Variants in ADAM20 observed in about 807,000 individuals in gnomAD.
ADAM20 encodes the protein ADAM metallopeptidase domain 20, also known as disintegrin and metalloproteinase domain-containing protein 20.
For missense variants in ADAM20, 871 were observed against 883.2 expected (o/e 0.99, Z 0.18); for synonymous variants, 305 against 310.2 (o/e 0.98, Z 0.18).
chr14:70,576,679 G>T, the ADAM20 span, among the ~76,000 whole-genome samples: 1 of 152,152 alleles, frequency 6.6e-6, no homozygotes, highest in Non-Finnish European at 1.5e-5. Flanking sequence ...TTCACAGAGA[G>T]CAGGGTAACA....
the ADAM20 span, among the ~76,000 whole-genome samples, chr14:70,566,744 C>T: frequency 3.3e-5 from 5 of 152,094 alleles, no homozygotes; most frequent in Non-Finnish European, 5.9e-5. Context: ...TTTTGGGAGG[C>T]CGAGGCAGGC....
At chr14:70,540,881 C>T in the ADAM20 span, among the ~76,000 whole-genome samples, 1 of 152,216 alleles carries the variant, frequency 6.6e-6, no homozygotes. Context: ...CAACCTCCAT[C>T]TCCCGGGTTC....
the ADAM20 span, chr14:70,556,896 CAGAT>C: frequency 6.6e-6 from 1 of 152,158 alleles, no homozygotes; most frequent in South Asian, 2.1e-4. Context: ...CCCTGTGTAT[CAGAT>C]AGGACACTTT....
chr14:70,553,772 A>T, the ADAM20 span, among the ~76,000 whole-genome samples: 68 of 152,166 alleles, frequency 4.5e-4, no homozygotes, highest in African/African-American at 1.5e-3. Flanking sequence ...AACTGGTATA[A>T]AAGGAACATA....
the ADAM20 span, among the ~76,000 whole-genome samples, chr14:70,554,428 T>C: frequency 6.6e-6 from 1 of 152,226 alleles, no homozygotes; most frequent in Non-Finnish European, 1.5e-5. Flanking sequence ...AAGAGATAAC[T>C]GCACTCTCAT....
chr14:70,545,756 A>G, the ADAM20 span, among the ~76,000 whole-genome samples: 1 of 152,230 alleles, frequency 6.6e-6, no homozygotes, highest in African/African-American at 2.4e-5. Context: ...AGACTCCAAT[A>G]CAGTAATAGC....
At chr14:70,543,830 G>A in the ADAM20 span, among the ~76,000 whole-genome samples, 5 of 152,180 alleles carry the variant, frequency 3.3e-5, no homozygotes, top group South Asian at 2.1e-4. Flanking sequence ...GCCATCCCTC[G>A]TCCTTTTTAT....
the ADAM20 span, among the ~76,000 whole-genome samples, chr14:70,554,728 T>C: frequency 3.3e-5 from 5 of 152,022 alleles, no homozygotes; most frequent in East Asian, 7.7e-4. Flanking sequence ...AATAGAATAG[T>C]GGTTGCTAGG....
At chr14:70,570,988 G>A in the ADAM20 span, among the ~76,000 whole-genome samples, 51 of 152,142 alleles carry the variant, frequency 3.4e-4, no homozygotes, top group African/African-American at 1.2e-3. Flanking sequence ...CACACAAACA[G>A]AATTAAAAAC....
chr14:70,569,405 A>C, the ADAM20 span, among the ~76,000 whole-genome samples: 1 of 152,134 alleles, frequency 6.6e-6, no homozygotes, highest in Non-Finnish European at 1.5e-5. Context: ...CTATGACAGA[A>C]ATGAAACCTC....
the ADAM20 span, among the ~76,000 whole-genome samples, chr14:70,570,114 A>G: frequency 6.6e-6 from 1 of 151,106 alleles, no homozygotes; most frequent in East Asian, 1.9e-4. Flanking sequence ...TTCTTGGACA[A>G]TACACCCACA....
At chr14:70,572,971 T>C in the ADAM20 span, among the ~76,000 whole-genome samples, 4 of 152,152 alleles carry the variant, frequency 2.6e-5, no homozygotes, top group African/African-American at 4.8e-5. Context: ...AGAATGCTTA[T>C]AAATTGTTGG....
Position 70,524,155 on chromosome 14 carries a change from G to A in ADAM20, c.603C>T (p.Gly201=). ...CAACAAACCGCTGATGGGTCCACCA[G>A]CCCACAAAAGAACTTTGCTTCAGAG... is the stretch of plus-strand genomic sequence containing the variant. ...NFTLKQSSFV[G]WWTHQRFVEL... The change falls in exon 2 of 2, where the codon GGC becomes GGT. Residue 201 remains glycine (G), a synonymous_variant. Coordinates refer to ENST00000256389, the MANE Select transcript of ADAM20 (RefSeq NM_003814.5). 1 of 1,613,778 alleles carries A rather than the reference G, an allele frequency of 6.2e-7. No individual in the cohort carries two copies. The highest frequency in any genetic ancestry group is 1.1e-5 in the South Asian group (1 of 91,074).
At chr14:70,563,334 A>G in the ADAM20 span, among the ~76,000 whole-genome samples, 15 of 152,162 alleles carry the variant, frequency 9.9e-5, no homozygotes, top group Admixed American at 2.0e-4. Context: ...ATTCTAGGGG[A>G]AAAAAAGTAG....
chr14:70,567,755 A>C, the ADAM20 span, among the ~76,000 whole-genome samples: 2 of 152,002 alleles, frequency 1.3e-5, no homozygotes, highest in Non-Finnish European at 2.9e-5. Context: ...ACTCTGTCCA[A>C]GCCTTCAAGA....
rs769768404 is a variant in ADAM20, at chr14:70,534,801, G to A, written c.-181C>T. 6.6e-6 allele frequency: 1 copy of A among 152,048 alleles called. No individual in the cohort carries two copies. Among genetic ancestry groups the A allele is most frequent in the Admixed American group, 6.6e-5 (1 of 15,258 alleles). 9.4% of individuals were successfully genotyped at this position (152,048 alleles called of 1,614,324 possible). A position where few individuals can be genotyped will look rare whatever the true frequency, so the allele number is the denominator to read the frequency against. ...GCTCCTTCTAGCAAATCTTACCTCT[G>A]TGTCTTTCAGTGTTCCATTTTTATA... On this transcript the variant is annotated 5_prime_UTR_variant, in exon 1 of 2. Transcript: ENST00000256389.
chr14:70,537,332 C>T (rs1249691896), upstream of ADAM20, among the ~76,000 whole-genome samples: 1 of 152,188 alleles, frequency 6.6e-6, no homozygotes, highest in Non-Finnish European at 1.5e-5. Context: ...ACAGGTATTT[C>T]GCTTTCTCCT....
the ADAM20 span, among the ~76,000 whole-genome samples, chr14:70,572,655 A>C: frequency 2.0e-5 from 3 of 152,222 alleles, no homozygotes; most frequent in African/African-American, 7.2e-5. Flanking sequence ...TCAACACAGT[A>C]AACAGCCAGC....
chr14:70,558,878 T>C, the ADAM20 span, among the ~76,000 whole-genome samples: 1 of 152,168 alleles, frequency 6.6e-6, no homozygotes, highest in South Asian at 2.1e-4. Context: ...CTACTTCTCA[T>C]ATTCATTTGC....
Sources: allele counts gnomAD v4.1 joint callset (sites outside exome capture counted in the v4.1 genomes callset), GRCh38; gene constraint gnomAD v4.1.1; transcripts MANE v1.5; gene names NCBI Gene and HGNC (gene_info 2026-07-23, HGNC 2026-07-21).